The following SRPK2 variants were observed in gnomAD, a reference collection of about 807,000 sequenced individuals.
SRPK2 encodes the protein SFRS protein kinase 2.
Under a neutral mutation model 90.8 loss-of-function variants are expected in SRPK2, and 21 were observed. That is an observed-to-expected ratio of 0.23 (90% CI 0.16 to 0.33). SRPK2 has a LOEUF of 0.33. Ranked by LOEUF, SRPK2 falls within the 10% of genes least tolerant of loss-of-function variation. The pLI, the probability that SRPK2 is intolerant of heterozygous loss-of-function variation, is 1.00. For missense variants in SRPK2, 620 were observed against 869.0 expected (o/e 0.71, Z 3.60); for synonymous variants, 288 against 311.1 (o/e 0.93, Z 0.78).
At chr7:105,221,299 G>A (rs189307839) in intron 2 of SRPK2, among the ~76,000 whole-genome samples, 1 of 152,276 alleles carries the variant, frequency 6.6e-6, no homozygotes, top group East Asian at 1.9e-4. Context: ...GTAGTTAAAG[G>A]CATAGTCTTA....
chr7:105,259,679 A>G (rs1803912608), intron 2 of SRPK2, among the ~76,000 whole-genome samples: 2 of 152,224 alleles, frequency 1.3e-5, no homozygotes, highest in African/African-American at 4.8e-5. Flanking sequence ...TACTGGTACC[A>G]AAACTGAGAT....
chr7:105,307,217 T>C (rs573943789), intron 2 of SRPK2, among the ~76,000 whole-genome samples: 2 of 152,276 alleles, frequency 1.3e-5, no homozygotes, highest in African/African-American at 4.8e-5. Flanking sequence ...CTCCTACTAC[T>C]GAAAAATTTA....
chr7:105,246,200 CAG>C (rs904301453), intron 2 of SRPK2, among the ~76,000 whole-genome samples: 9 of 152,214 alleles, frequency 5.9e-5, no homozygotes, highest in African/African-American at 2.2e-4. Flanking sequence ...TAAACACAGA[CAG>C]AAAGTTACAC....
chr7:105,133,863 G>A (rs937513404), intron 11 of SRPK2, among the ~76,000 whole-genome samples: 1 of 152,100 alleles, frequency 6.6e-6, no homozygotes, highest in Non-Finnish European at 1.5e-5. Flanking sequence ...CTCAAAGGCA[G>A]GTATAGGGCC....
intron 3 of SRPK2, among the ~76,000 whole-genome samples, chr7:105,187,651 C>T (rs3779210): frequency 0.28 from 42,704 of 151,914 alleles, 6,532 homozygotes; most frequent in Non-Finnish European, 0.34. Context: ...CTTGGAAAGA[C>T]CACCACCATC....
chr7:105,303,746 T>A (rs768888595), intron 2 of SRPK2, among the ~76,000 whole-genome samples: 7 of 152,170 alleles, frequency 4.6e-5, no homozygotes, highest in Non-Finnish European at 1.0e-4. Context: ...TGTTTCTTCA[T>A]CTATAAAATG....
chr7:105,321,727 T>C (rs546760028), intron 2 of SRPK2, among the ~76,000 whole-genome samples: 2 of 151,816 alleles, frequency 1.3e-5, no homozygotes, highest in South Asian at 2.1e-4. Context: ...AGAATGCAAA[T>C]AAAAACGAGG....
intron 2 of SRPK2, among the ~76,000 whole-genome samples, chr7:105,246,057 G>A (rs1801615196): frequency 6.6e-6 from 1 of 152,110 alleles, no homozygotes. Context: ...AAGAAAAGCT[G>A]GAAGGTTACA....
In SRPK2 at chr7:105,118,026, C is replaced by T. The variant is rs772073486; in HGVS notation, c.1916-4G>A. The T allele has an allele frequency of 1.2e-6, 2 of 1,612,240 alleles. No homozygotes were observed. Among genetic ancestry groups the T allele is most frequent in the African/African-American group, 1.3e-5 (1 of 74,914 alleles). Reference sequence around the variant, plus strand: ...TTGGTGATGTGTCGCAGTTCTCCTACAGGGGAAAAAACAGGCCAATGTCAA... The same window carrying T: ...TTGGTGATGTGTCGCAGTTCTCCTATAGGGGAAAAAACAGGCCAATGTCAA... On this transcript the variant is annotated splice_region_variant and splice_polypyrimidine_tract_variant and intron_variant, in intron 15 of 15. Coordinates refer to ENST00000393651, the MANE Select transcript of SRPK2 (RefSeq NM_182692.3).
intron 7 of SRPK2, among the ~76,000 whole-genome samples, chr7:105,158,437 T>C (rs150812563): frequency 0.014 from 2,112 of 152,224 alleles, 51 homozygotes; most frequent in African/African-American, 0.048. Flanking sequence ...GTGTTTTTAG[T>C]AGAGATGGGG....
At chr7:105,387,734 A>G (rs1821784048) in intron 2 of SRPK2, among the ~76,000 whole-genome samples, 1 of 152,236 alleles carries the variant, frequency 6.6e-6, no homozygotes, top group African/African-American at 2.4e-5. Context: ...GAGCGAAGCA[A>G]TTAATCTAGA....
intron 4 of SRPK2, 45 bp from the exon 5 acceptor site, chr7:105,168,140 G>T: frequency 6.8e-7 from 1 of 1,468,720 alleles, no homozygotes; most frequent in Non-Finnish European, 9.3e-7. Context: ...TATATTATCA[G>T]TAGAAAGAAT....
chr7:105,366,378 T>TTTC (rs1554523928), intron 2 of SRPK2, among the ~76,000 whole-genome samples: 2,318 of 150,608 alleles, frequency 0.015, 75 homozygotes, highest in African/African-American at 0.054. Flanking sequence ...TTTTTTTTTT[T>TTTC]TTTCTTTTTG....
intron 3 of SRPK2, among the ~76,000 whole-genome samples, chr7:105,195,357 A>ATAATCTCTCC (rs1183216071): frequency 1.3e-4 from 20 of 152,276 alleles, no homozygotes; most frequent in Middle Eastern, 3.4e-3. Context: ...CCTGCTAAAT[A>ATAATCTCTCC]TGTTTTGTAA....
intron 11 of SRPK2, 90 bp downstream of exon 11, chr7:105,141,918 G>T: frequency 6.9e-7 from 1 of 1,459,462 alleles, no homozygotes; most frequent in Non-Finnish European, 9.2e-7. Flanking sequence ...ACAGGGCTTG[G>T]CCACTTCCAG....
chr7:105,200,213 T>C (rs563121711), intron 3 of SRPK2, among the ~76,000 whole-genome samples: 4 of 152,110 alleles, frequency 2.6e-5, no homozygotes, highest in Non-Finnish European at 4.4e-5. Flanking sequence ...GGCACGAGAA[T>C]TGCTTGAACC....
chr7:105,276,154 T>A lies in SRPK2; in HGVS notation c.72-72369A>T, dbSNP rs991396746. ...TGGAGTGCAGTGGTGCAACGATAGCTCACTGGGATCTCAAACTCCTGGGCT... is the reference window on the plus strand; with the variant it reads ...TGGAGTGCAGTGGTGCAACGATAGCACACTGGGATCTCAAACTCCTGGGCT... On this transcript the variant is annotated intron_variant, in intron 2 of 15. Transcript: ENST00000393651. Among the ~76,000 whole-genome samples, 4 of 152,044 alleles carry A rather than the reference T, an allele frequency of 2.6e-5. No homozygotes were observed. The South Asian group carries it at 8.3e-4, about 32-fold the overall frequency.
At chr7:105,389,485 C>T, upstream of SRPK2, 1 of 1,051,644 alleles carries the variant, frequency 9.5e-7, no homozygotes, top group African/African-American at 1.7e-5. Context: ...TCTCCCACCT[C>T]TAAGTGCCCT....
intron 2 of SRPK2, among the ~76,000 whole-genome samples, chr7:105,270,803 A>G (rs1024067249): frequency 6.6e-6 from 1 of 152,170 alleles, no homozygotes; most frequent in African/African-American, 2.4e-5. Context: ...GGATAATAAC[A>G]TATATCTGAA....
Sources: allele counts gnomAD v4.1 joint callset (sites outside exome capture counted in the v4.1 genomes callset), GRCh38; gene constraint gnomAD v4.1.1; transcripts MANE v1.5; gene names NCBI Gene and HGNC (gene_info 2026-07-23, HGNC 2026-07-21).